PROS1: variants seen among roughly 807,000 people sequenced by gnomAD.
PROS1 encodes the protein vitamin K-dependent protein S.
Under a neutral mutation model 75.9 loss-of-function variants are expected in PROS1, and 29 were observed. The observed-to-expected ratio is 0.38, with a 90% CI of 0.28 to 0.52. The LOEUF is 0.52. Ranked by LOEUF, PROS1 falls within the 20% of genes least tolerant of loss-of-function variation. PROS1 has a pLI of 0.83. For synonymous variants in PROS1, 245 were observed against 280.6 expected, an observed-to-expected ratio of 0.87 and a Z score of 1.27; for missense variants, 680 against 810.3, an observed-to-expected ratio of 0.84 and a Z score of 1.95.
rs868049085 is a variant in PROS1, at chr3:93,909,509, G to A, written c.346+1110C>T. The stretch of plus-strand genomic sequence containing the variant: ...TTGTTTATTTTCTTCCTAAAATATC[G>A]AAGCACTTTATCAATATGGCAAATG... On this transcript the variant is annotated intron_variant, in intron 4 of 14. Coordinates refer to ENST00000394236, the MANE Select transcript of PROS1 (RefSeq NM_000313.4). Among the ~76,000 whole-genome samples, 10 of 147,144 alleles carry A rather than the reference G, an allele frequency of 6.8e-5. No individual in the cohort carries two copies. In the East Asian group the frequency reaches 8.0e-4, roughly 12 times the overall value.
chr3:93,943,625 C>T (rs1254173978), intron 1 of PROS1, among the ~76,000 whole-genome samples: 1 of 152,120 alleles, frequency 6.6e-6, no homozygotes, highest in Admixed American at 6.6e-5. Flanking sequence ...ATTTTTGCTG[C>T]TCTAACACTT....
chr3:93,910,595 T>G, intron 4 of PROS1, 24 bp downstream of exon 4: 1 of 1,586,272 alleles, frequency 6.3e-7, no homozygotes, highest in Non-Finnish European at 8.7e-7. Flanking sequence ...TTTTGTTTTT[T>G]CAATTGATGG....
chr3:93,881,079 C>A (rs546004243), intron 12 of PROS1, among the ~76,000 whole-genome samples: 1 of 152,136 alleles, frequency 6.6e-6, no homozygotes, highest in African/African-American at 2.4e-5. Flanking sequence ...AACACCAGCA[C>A]TGGGAGGCTG....
At chr3:93,904,385 G>A (rs1708643302) in intron 6 of PROS1, among the ~76,000 whole-genome samples, 1 of 152,108 alleles carries the variant, frequency 6.6e-6, no homozygotes, top group Non-Finnish European at 1.5e-5. Flanking sequence ...AGATAAGAAA[G>A]ATACATGATC....
rs547692508 is a variant in PROS1, at chr3:93,919,928, T to G, written c.259+4312A>C. On this transcript the variant is annotated intron_variant, in intron 3 of 14. Coordinates refer to ENST00000394236, the MANE Select transcript of PROS1 (RefSeq NM_000313.4). ...CTGAACTTTCTGTTCAGTTTCATGT[T>G]CTGAAAATACCATATAGTTTTATTT... Among the ~76,000 whole-genome samples, 4 of 152,314 alleles carry G rather than the reference T, an allele frequency of 2.6e-5. No individual in the cohort carries two copies. In the South Asian group the frequency reaches 8.3e-4, roughly 32 times the overall value.
At chr3:93,927,482 G>C in intron 1 of PROS1, 75 bp from the exon 2 acceptor site, 1 of 1,452,390 alleles carries the variant, frequency 6.9e-7, no homozygotes, top group African/African-American at 1.4e-5. Flanking sequence ...AACAATAAGA[G>C]TTAAAATCAT....
intron 1 of PROS1, among the ~76,000 whole-genome samples, chr3:93,929,934 T>C (rs1384155349): frequency 6.6e-6 from 1 of 152,146 alleles, no homozygotes; most frequent in Admixed American, 6.5e-5. Flanking sequence ...TTGTCTCTTA[T>C]TACCTGGTAA....
At position 93,927,320 on chromosome 3, in the gene PROS1, T is replaced by G; in HGVS notation, c.164A>C (p.Glu55Ala). ...GCACAGTTCTTCGATGCATTCTCTTTCAAGATTACCCTGTTTGGTTTCTTC... is the reference window on the plus strand; with the variant it reads ...GCACAGTTCTTCGATGCATTCTCTTGCAAGATTACCCTGTTTGGTTTCTTC... ...LLEETKQGNL[E>A]RECIEELCNK... The change falls in exon 2 of 15, where the codon GAA becomes GCA. Residue 55 changes from glutamate (E) to alanine (A), a missense_variant. By Grantham distance (107) the Glu-to-Ala change is moderately radical. Transcript: ENST00000394236. 6.2e-7 allele frequency: 1 copy of G among 1,613,764 alleles called. No homozygotes were observed. The highest frequency in any genetic ancestry group is 2.2e-5 in the East Asian group (1 of 44,840).
In PROS1 at chr3:93,877,012, G is replaced by T; in HGVS notation, c.1824C>A (p.Asp608Glu). ...TGGCCACTTTTGCTTTCATTGCTTT[G>T]TCCAAGACGGCAAGTTGTCTTTGAA... Reference protein sequence around the residue: ...EDLQRQLAVLDKAMKAKVATY... With the variant: ...EDLQRQLAVLEKAMKAKVATY... Residue 608 changes from aspartate (D) to glutamate (E), a missense_variant, in exon 14 of 15, where the codon GAC (aspartate) becomes GAA (glutamate). By Grantham distance (45) the Asp-to-Glu change is conservative. Coordinates refer to ENST00000394236, the MANE Select transcript of PROS1 (RefSeq NM_000313.4). 6.2e-7 allele frequency: 1 copy of T among 1,613,844 alleles called. No homozygotes were observed. Among genetic ancestry groups the T allele is most frequent in the Non-Finnish European group, 8.5e-7 (1 of 1,179,828 alleles).
chr3:93,906,241 G>GAA, intron 4 of PROS1, 98 bp from the exon 5 acceptor site: 14 of 1,281,594 alleles, frequency 1.1e-5, no homozygotes, highest in African/African-American at 1.5e-5. Context: ...TAGAACCAAT[G>GAA]AAAAAAAAAC....
At chr3:93,876,816 A>C in intron 14 of PROS1, 150 bp downstream of exon 14, 1 of 528,560 alleles carries the variant, frequency 1.9e-6, no homozygotes. Context: ...ATATGCCAAT[A>C]AAATGTCGGT....
At chr3:93,892,750 AATAT>A (rs1198682437) in intron 10 of PROS1, among the ~76,000 whole-genome samples, 179 bp downstream of exon 10, 1 of 152,214 alleles carries the variant, frequency 6.6e-6, no homozygotes, top group Admixed American at 6.5e-5. Flanking sequence ...CAATGATTCT[AATAT>A]ATTAAGTGAG....
intron 4 of PROS1, among the ~76,000 whole-genome samples, chr3:93,909,535 A>G (rs1197961435): frequency 6.6e-6 from 1 of 151,694 alleles, no homozygotes; most frequent in Non-Finnish European, 1.5e-5. Flanking sequence ...ATGGCAAATG[A>G]CATGCCATTT....
At position 93,969,828 on chromosome 3, in the gene PROS1, G is replaced by A. The variant is rs148085352; in HGVS notation, c.76+3846C>T. On this transcript the variant is annotated intron_variant, in intron 1 of 14. Coordinates refer to ENST00000394236, the MANE Select transcript of PROS1 (RefSeq NM_000313.4). The stretch of plus-strand genomic sequence containing the variant: ...CAATAGTTCATTACTGTTGCTTATA[G>A]GCAAAGAATACTGTATTATCAGGCA... Among the ~76,000 whole-genome samples, 435 of 152,048 alleles carry A rather than the reference G, an allele frequency of 2.9e-3. 2 individuals carry two copies. The highest frequency in any genetic ancestry group is 5.8e-3 in the Admixed American group (89 of 15,248).
At chr3:93,906,478 C>T (rs929701231) in intron 4 of PROS1, among the ~76,000 whole-genome samples, 12 of 152,178 alleles carry the variant, frequency 7.9e-5, no homozygotes, top group Non-Finnish European at 5.9e-5. Flanking sequence ...GCTTTCCTGT[C>T]GTGGCTCCGG....
intron 1 of PROS1, among the ~76,000 whole-genome samples, chr3:93,956,163 G>T (rs568666453): frequency 6.6e-6 from 1 of 151,836 alleles, no homozygotes; most frequent in Non-Finnish European, 1.5e-5. Context: ...AATATACAGC[G>T]GTAGGATAGT....
At position 93,874,244 on chromosome 3, in the gene PROS1, C is replaced by T; in HGVS notation, c.*1G>A. 3 of 1,613,216 alleles carry T rather than the reference C, an allele frequency of 1.9e-6. No individual in the cohort carries two copies. The highest frequency in any genetic ancestry group is 2.5e-6 in the Non-Finnish European group (3 of 1,179,396). ...GGTATTATAAGCAGAGAAAAGATGC[C>T]TTAAGAATTCTTTGTCTTTTTCCAA... On this transcript the variant is annotated 3_prime_UTR_variant, in exon 15 of 15. Coordinates refer to ENST00000394236, the MANE Select transcript of PROS1 (RefSeq NM_000313.4).
chr3:93,962,000 T>C (rs1709712586), intron 1 of PROS1, among the ~76,000 whole-genome samples: 1 of 152,136 alleles, frequency 6.6e-6, no homozygotes, highest in African/African-American at 2.4e-5. Flanking sequence ...GAAGACTACA[T>C]TTTCACTGAT....
At chr3:93,944,311 T>C (rs1164904457) in intron 1 of PROS1, among the ~76,000 whole-genome samples, 4 of 152,144 alleles carry the variant, frequency 2.6e-5, no homozygotes, top group Non-Finnish European at 4.4e-5. Flanking sequence ...AAACAGCTAT[T>C]AGTAACATGA....
Sources: allele counts gnomAD v4.1 joint callset (sites outside exome capture counted in the v4.1 genomes callset), GRCh38; gene constraint gnomAD v4.1.1; transcripts MANE v1.5; gene names NCBI Gene and HGNC (gene_info 2026-07-23, HGNC 2026-07-21).